LRRC4C: variants seen among roughly 807,000 people sequenced by gnomAD.
LRRC4C encodes the protein leucine-rich repeat-containing protein 4C.
In LRRC4C, 5 loss-of-function variants were observed where a neutral mutation model predicts 33.6. The observed-to-expected ratio is 0.15, with a 90% CI of 0.08 to 0.31. LRRC4C has a LOEUF of 0.31. LRRC4C is among the 10% of genes least tolerant of loss of function. The probability of loss-of-function intolerance (pLI) is 1.00; values close to 1 mark genes in which losing one functional copy is unlikely to be tolerated. For synonymous variants in LRRC4C, 329 were observed against 302.0 expected (o/e 1.09, Z -0.93); for missense variants, 560 against 796.7 (o/e 0.70, Z 3.58).
At chr11:40,545,072 C>A (rs1178127109) in intron 3 of LRRC4C, among the ~76,000 whole-genome samples, 3 of 151,968 alleles carry the variant, frequency 2.0e-5, no homozygotes, top group Non-Finnish European at 4.4e-5. Flanking sequence ...TAAGACCCAG[C>A]TCAAATAGCA....
chr11:41,299,171 G>C (rs1207124429), intron 1 of LRRC4C, among the ~76,000 whole-genome samples: 1 of 152,084 alleles, frequency 6.6e-6, no homozygotes, highest in Non-Finnish European at 1.5e-5. Context: ...GGATCAGATA[G>C]TAGTTTTATT....
chr11:40,394,290 C>T (rs573484034), intron 3 of LRRC4C, among the ~76,000 whole-genome samples: 1 of 152,248 alleles, frequency 6.6e-6, no homozygotes, highest in South Asian at 2.1e-4. Context: ...TTTGTATACA[C>T]ACAGTGAATC....
intron 1 of LRRC4C, among the ~76,000 whole-genome samples, chr11:41,385,353 C>T (rs1953318703): frequency 6.6e-6 from 1 of 151,376 alleles, no homozygotes; most frequent in Admixed American, 6.6e-5. Flanking sequence ...ACTTGCCAAC[C>T]TACTGGGCCA....
intron 1 of LRRC4C, among the ~76,000 whole-genome samples, chr11:41,231,077 T>C (rs1022404194): frequency 3.9e-5 from 6 of 152,032 alleles, no homozygotes; most frequent in East Asian, 1.9e-4. Flanking sequence ...CCATCTCATG[T>C]CAGTTAGAAT....
At chr11:40,980,464 G>T (rs1852437232) in intron 1 of LRRC4C, among the ~76,000 whole-genome samples, 2 of 152,134 alleles carry the variant, frequency 1.3e-5, no homozygotes, top group African/African-American at 4.8e-5. Context: ...CTGGAGAAGA[G>T]AAATTGAGAC....
intron 1 of LRRC4C, among the ~76,000 whole-genome samples, chr11:41,157,636 G>T (rs1297354086): frequency 6.6e-6 from 1 of 152,036 alleles, no homozygotes; most frequent in South Asian, 2.1e-4. Flanking sequence ...GTAATTACAG[G>T]GCAGGTGAAA....
intron 2 of LRRC4C, among the ~76,000 whole-genome samples, chr11:40,657,995 A>G (rs1198380850): frequency 6.6e-6 from 1 of 152,244 alleles, no homozygotes; most frequent in Non-Finnish European, 1.5e-5. Flanking sequence ...GGAAGTAGGT[A>G]CAAGTTGACA....
At chr11:40,421,602 T>C (rs530512766) in intron 3 of LRRC4C, among the ~76,000 whole-genome samples, 72 of 152,370 alleles carry the variant, frequency 4.7e-4, no homozygotes, top group Middle Eastern at 6.8e-3. Context: ...TCTTTCCAAA[T>C]GAAAGGCCTT....
intron 1 of LRRC4C, among the ~76,000 whole-genome samples, chr11:41,025,705 G>A (rs1046348198): frequency 1.3e-5 from 2 of 151,636 alleles, no homozygotes; most frequent in Non-Finnish European, 3.0e-5. Flanking sequence ...ATTGACAAAG[G>A]TGGCTACACC....
intron 3 of LRRC4C, among the ~76,000 whole-genome samples, chr11:40,602,044 A>C (rs1168812361): frequency 6.6e-6 from 1 of 151,172 alleles, no homozygotes; most frequent in Non-Finnish European, 1.5e-5. Flanking sequence ...CAAAAAAAAA[A>C]TTTAGCTGGG....
At chr11:41,187,288 C>CTG (rs1212949899) in intron 1 of LRRC4C, among the ~76,000 whole-genome samples, 3 of 152,152 alleles carry the variant, frequency 2.0e-5, no homozygotes, top group Non-Finnish European at 2.9e-5. Context: ...AATCCCGAGG[C>CTG]TGTAGCAGGC....
chr11:40,454,236 C>A (rs529637995), intron 3 of LRRC4C, among the ~76,000 whole-genome samples: 7 of 150,774 alleles, frequency 4.6e-5, no homozygotes, highest in Admixed American at 4.0e-4. Context: ...AGGTGTCATG[C>A]TGATGTGCAA....
chr11:41,381,082 A>G (rs1047760191), intron 1 of LRRC4C, among the ~76,000 whole-genome samples: 3 of 152,130 alleles, frequency 2.0e-5, no homozygotes, highest in Non-Finnish European at 4.4e-5. Context: ...CCAGGCAAAA[A>G]CATCCCTGGG....
chr11:41,093,949 A>AC (rs1253781218), intron 1 of LRRC4C, among the ~76,000 whole-genome samples: 35 of 149,310 alleles, frequency 2.3e-4, no homozygotes, highest in Admixed American at 3.3e-4. Flanking sequence ...AAAAAAAAAA[A>AC]ACACACAAAA....
chr11:40,865,868 A>G (rs574230605), intron 2 of LRRC4C, among the ~76,000 whole-genome samples: 5 of 152,122 alleles, frequency 3.3e-5, no homozygotes, highest in African/African-American at 1.2e-4. Context: ...GTTAATTTAA[A>G]GTACATTATT....
intron 1 of LRRC4C, among the ~76,000 whole-genome samples, chr11:41,030,256 AT>A (rs1246639936): frequency 1.3e-5 from 2 of 151,860 alleles, no homozygotes; most frequent in African/African-American, 4.8e-5. Flanking sequence ...TTCATTCATT[AT>A]TTTTGCATGC....
At chr11:40,317,639 A>G (rs1441265498) in intron 4 of LRRC4C, among the ~76,000 whole-genome samples, 1 of 152,100 alleles carries the variant, frequency 6.6e-6, no homozygotes, top group Middle Eastern at 3.2e-3. Context: ...CTCTTGGTCC[A>G]TCCTACATGT....
intron 2 of LRRC4C, among the ~76,000 whole-genome samples, chr11:40,655,621 C>A (rs1440130834): frequency 1.3e-5 from 2 of 152,170 alleles, no homozygotes; most frequent in African/African-American, 4.8e-5. Flanking sequence ...TCCTGGACAG[C>A]TTTGCACTTT....
intron 5 of LRRC4C, among the ~76,000 whole-genome samples, chr11:40,218,235 T>A (rs911657436): frequency 1.3e-5 from 2 of 152,144 alleles, no homozygotes; most frequent in Admixed American, 6.6e-5. Flanking sequence ...TTTTACAGAA[T>A]TATCTGCCTA....
Sources: gnomAD v4.1 joint callset for allele counts (sites outside exome capture counted in the v4.1 genomes callset) on GRCh38, gnomAD v4.1.1 for gene constraint, MANE v1.5 for transcripts, NCBI Gene and HGNC (gene_info 2026-07-23, HGNC 2026-07-21) for gene names.